The following KCNIP4 variants were observed in gnomAD, a reference collection of about 807,000 sequenced individuals.
KCNIP4 encodes Kv channel-interacting protein 4.
In KCNIP4, 12 loss-of-function variants were observed where a neutral mutation model predicts 34.0. The ratio of observed to expected loss-of-function variants is 0.35; its 90% CI spans 0.23 to 0.57. KCNIP4 has a LOEUF of 0.57. KCNIP4 is among the 20% of genes least tolerant of loss of function. KCNIP4 has a pLI of 0.83. For missense variants in KCNIP4, 238 were observed against 311.7 expected (o/e 0.76, Z 1.78); for synonymous variants, 124 against 102.2 (o/e 1.21, Z -1.29).
chr4:20,899,839 C>G (rs908989514), intron 1 of KCNIP4, among the ~76,000 whole-genome samples: 8 of 152,122 alleles, frequency 5.3e-5, no homozygotes, highest in Admixed American at 4.6e-4. Context: ...CTTGAGGTCT[C>G]CAAGAACATA....
chr4:21,684,291 T>A (rs1039453781), intron 1 of KCNIP4, among the ~76,000 whole-genome samples: 3 of 152,180 alleles, frequency 2.0e-5, no homozygotes, highest in African/African-American at 7.2e-5. Flanking sequence ...TTTCTTATTC[T>A]AAATTCTGAG....
intron 1 of KCNIP4, among the ~76,000 whole-genome samples, chr4:21,442,394 C>A (rs891040964): frequency 1.3e-5 from 2 of 152,124 alleles, no homozygotes; most frequent in Admixed American, 1.3e-4. Context: ...TAGTCTATAC[C>A]CTATGGCTTT....
In KCNIP4 at chr4:20,729,479, T is replaced by TAAATGTTTAATAATTTTTAAATGTTTA. The variant is rs1560392061; in HGVS notation, c.*576_*602dup. The stretch of plus-strand genomic sequence containing the variant: ...TGATATCTGATAATAAACTAATTTT[T>TAAATGTTTAATAATTTTTAAATGTTTA]AAATGTTTAATAATTTTTAAATGTT... On this transcript the variant is annotated 3_prime_UTR_variant, in exon 9 of 9. Transcript: ENST00000382152. 2 of 118,400 alleles carry TAAATGTTTAATAATTTTTAAATGTTTA rather than the reference T, an allele frequency of 1.7e-5. No individual in the cohort carries two copies. Among genetic ancestry groups the TAAATGTTTAATAATTTTTAAATGTTTA allele is most frequent in the Non-Finnish European group, 3.6e-5 (2 of 56,166 alleles). 7.3% of individuals were successfully genotyped at this position (118,400 alleles called of 1,614,324 possible).
At chr4:21,400,819 A>T (rs1268473644) in intron 1 of KCNIP4, among the ~76,000 whole-genome samples, 1 of 152,110 alleles carries the variant, frequency 6.6e-6, no homozygotes, top group Non-Finnish European at 1.5e-5. Flanking sequence ...TGAGAGAACG[A>T]ATGTGAGATC....
intron 1 of KCNIP4, among the ~76,000 whole-genome samples, chr4:21,861,882 G>C (rs539375926): frequency 6.6e-6 from 1 of 152,066 alleles, no homozygotes; most frequent in East Asian, 1.9e-4. Context: ...ATCTCACTCA[G>C]AGTAAAACCC....
intron 3 of KCNIP4, among the ~76,000 whole-genome samples, chr4:20,845,583 T>G (rs1210720870): frequency 6.6e-6 from 1 of 152,134 alleles, no homozygotes; most frequent in Non-Finnish European, 1.5e-5. Flanking sequence ...CCTGTTCAGG[T>G]TGTCTCTTCA....
At chr4:21,074,474 G>A (rs1220545658) in intron 1 of KCNIP4, among the ~76,000 whole-genome samples, 3 of 151,980 alleles carry the variant, frequency 2.0e-5, no homozygotes, top group Admixed American at 6.6e-5. Context: ...CTGTGGGATC[G>A]GTGGTGATAT....
Position 20,806,658 on chromosome 4 carries a change from T to C in KCNIP4, c.288+43885A>G, listed in dbSNP as rs546971805. On this transcript the variant is annotated intron_variant, in intron 3 of 8. Coordinates refer to ENST00000382152, the MANE Select transcript of KCNIP4 (RefSeq NM_025221.6). ...TGGGTTGGGAGGTAAAACAGAACCA[T>C]GCTTAGGGCTAAAAATTACTCAATA... Among the ~76,000 whole-genome samples, 200 of 152,214 alleles carry C rather than the reference T, an allele frequency of 1.3e-3. 1 individual carries two copies. Among genetic ancestry groups the C allele is most frequent in the African/African-American group, 4.5e-3 (185 of 41,550 alleles).
chr4:20,875,403 A>C (rs1040040319), intron 2 of KCNIP4, among the ~76,000 whole-genome samples: 1 of 152,086 alleles, frequency 6.6e-6, no homozygotes, highest in Non-Finnish European at 1.5e-5. Context: ...TGTCCACCTT[A>C]CAGAGTTATT....
intron 1 of KCNIP4, among the ~76,000 whole-genome samples, chr4:21,276,984 T>C (rs1393912601): frequency 6.6e-6 from 1 of 152,214 alleles, no homozygotes; most frequent in Non-Finnish European, 1.5e-5. Flanking sequence ...ATAAGTGTGA[T>C]AAAAGCCATA....
At chr4:21,472,252 A>G (rs1249017319) in intron 1 of KCNIP4, among the ~76,000 whole-genome samples, 1 of 152,090 alleles carries the variant, frequency 6.6e-6, no homozygotes, top group Admixed American at 6.6e-5. Flanking sequence ...GATAAGAAGC[A>G]AGCATTACCT....
chr4:21,241,027 T>C (rs1759772948), intron 1 of KCNIP4, among the ~76,000 whole-genome samples: 1 of 152,158 alleles, frequency 6.6e-6, no homozygotes, highest in Non-Finnish European at 1.5e-5. Context: ...TAAATTAATA[T>C]ATATCCTTAT....
chr4:21,832,428 G>A (rs1254487731), intron 1 of KCNIP4, among the ~76,000 whole-genome samples: 1 of 152,066 alleles, frequency 6.6e-6, no homozygotes, highest in Non-Finnish European at 1.5e-5. Context: ...GACAGACCCA[G>A]TACTATATGG....
At chr4:21,643,108 G>A (rs973018170) in intron 1 of KCNIP4, among the ~76,000 whole-genome samples, 2 of 152,156 alleles carry the variant, frequency 1.3e-5, no homozygotes, top group African/African-American at 4.8e-5. Context: ...TGGGAACTGT[G>A]TCATGTGTAT....
intron 1 of KCNIP4, among the ~76,000 whole-genome samples, chr4:21,190,162 T>C (rs561466196): frequency 6.6e-6 from 1 of 152,324 alleles, no homozygotes; most frequent in South Asian, 2.1e-4. Flanking sequence ...TCTTGAGTCA[T>C]CTTTTAGTTG....
At chr4:21,882,758 T>C (rs946850136) in intron 1 of KCNIP4, among the ~76,000 whole-genome samples, 8 of 152,104 alleles carry the variant, frequency 5.3e-5, no homozygotes, top group African/African-American at 1.9e-4. Flanking sequence ...TTCATTTAAA[T>C]GCATGGAGAG....
chr4:21,064,967 T>C (rs1228250165), intron 1 of KCNIP4, among the ~76,000 whole-genome samples: 2 of 152,198 alleles, frequency 1.3e-5, no homozygotes, highest in Non-Finnish European at 2.9e-5. Context: ...TTATTGCCAA[T>C]ATTTAATATT....
intron 1 of KCNIP4, among the ~76,000 whole-genome samples, chr4:21,500,195 GT>G: frequency 6.6e-6 from 1 of 152,114 alleles, no homozygotes; most frequent in Middle Eastern, 3.4e-3. Context: ...CAATACTAGC[GT>G]TTCGAAAAAG....
intron 1 of KCNIP4, among the ~76,000 whole-genome samples, chr4:21,360,273 C>A (rs1317062338): frequency 6.6e-6 from 1 of 151,906 alleles, no homozygotes; most frequent in Non-Finnish European, 1.5e-5. Flanking sequence ...GATAAATTAT[C>A]CATTATATTC....
Sources: allele counts gnomAD v4.1 joint callset (sites outside exome capture counted in the v4.1 genomes callset), GRCh38; gene constraint gnomAD v4.1.1; transcripts MANE v1.5; gene names NCBI Gene and HGNC (gene_info 2026-07-23, HGNC 2026-07-21).